Variants in SGCD observed in about 807,000 individuals in gnomAD.
SGCD encodes the protein delta-sarcoglycan.
In SGCD, 18 loss-of-function variants were observed where a neutral mutation model predicts 36.6. The ratio of observed to expected loss-of-function variants is 0.49; its 90% CI spans 0.34 to 0.73. The LOEUF (loss-of-function observed/expected upper bound fraction) is 0.73, where lower values mean the gene tolerates loss of function less well. SGCD is among the 30% of genes least tolerant of loss of function. The pLI is 0.01. For synonymous variants in SGCD, 133 were observed against 130.6 expected (o/e 1.02, Z -0.12); for missense variants, 387 against 346.7 (o/e 1.12, Z -0.92).
In SGCD at chr5:155,883,445, C is replaced by A. The variant is rs556426496; in HGVS notation, c.-282+13021C>A. On this transcript the variant is annotated intron_variant, in intron 1 of 9. Transcript: ENST00000517913. Reference sequence around the variant, plus strand: ...TGCAACTCTTTCTTTCAAACTTGAACACTTAAAGCCCATTGTAGAGTTATT... The same window carrying A: ...TGCAACTCTTTCTTTCAAACTTGAAAACTTAAAGCCCATTGTAGAGTTATT... 2.0e-5 allele frequency among the ~76,000 whole-genome samples: 3 copies of A among 152,202 alleles called. No individual in the cohort carries two copies. In the East Asian group the frequency reaches 5.8e-4, roughly 29 times the overall value.
intron 3 of SGCD, among the ~76,000 whole-genome samples, chr5:156,293,795 G>A (rs1249818896): frequency 6.6e-6 from 1 of 151,958 alleles, no homozygotes; most frequent in Non-Finnish European, 1.5e-5. Context: ...TGGCTCTTCA[G>A]GATCTCTTAA....
intron 3 of SGCD, among the ~76,000 whole-genome samples, chr5:156,418,704 G>A (rs770117500): frequency 6.6e-6 from 1 of 152,168 alleles, no homozygotes; most frequent in Admixed American, 6.5e-5. Context: ...AAAGTGGTTA[G>A]GTGCAGGACA....
At chr5:156,572,172 G>A (rs368873904) in intron 4 of SGCD, among the ~76,000 whole-genome samples, 16 of 152,156 alleles carry the variant, frequency 1.1e-4, no homozygotes, top group African/African-American at 2.2e-4. Flanking sequence ...TATTGTTTCC[G>A]CCCTTTGATT....
intron 1 of SGCD, among the ~76,000 whole-genome samples, chr5:156,020,339 G>A (rs1484536837): frequency 6.6e-5 from 10 of 152,086 alleles, no homozygotes; most frequent in Non-Finnish European, 1.5e-5. Context: ...TGTAATTCAA[G>A]ATAAAGCCAA....
At chr5:155,792,054 C>T in the SGCD span, among the ~76,000 whole-genome samples, 1 of 151,966 alleles carries the variant, frequency 6.6e-6, no homozygotes, top group African/African-American at 2.4e-5. Flanking sequence ...TGGTACAAAA[C>T]CAGATCCATA....
chr5:156,309,926 G>T (rs1320857940), intron 3 of SGCD, among the ~76,000 whole-genome samples: 2 of 151,868 alleles, frequency 1.3e-5, no homozygotes, highest in East Asian at 3.9e-4. Flanking sequence ...CTGTTTCATT[G>T]TATGTCGTAT....
intron 1 of SGCD, among the ~76,000 whole-genome samples, chr5:156,081,536 G>A (rs1297435245): frequency 6.6e-6 from 1 of 151,472 alleles, no homozygotes; most frequent in Non-Finnish European, 1.5e-5. Flanking sequence ...TGGGACTACA[G>A]GTGCATGCTA....
chr5:156,548,998 C>A (rs1758689322), intron 4 of SGCD, among the ~76,000 whole-genome samples: 1 of 152,018 alleles, frequency 6.6e-6, no homozygotes, highest in Non-Finnish European at 1.5e-5. Flanking sequence ...AGAATACTTG[C>A]CAGTTCAGAC....
In SGCD at chr5:156,291,305, A is replaced by C. The variant is rs929093210; in HGVS notation, c.-43-38229A>C. On this transcript the variant is annotated intron_variant, in intron 3 of 9. Transcript: ENST00000517913. ...AATACTCAAGGTGATCGACATCCCA[A>C]ATACCCTGTCTTGGTCATTTTACAT... is the stretch of plus-strand genomic sequence containing the variant. 2.0e-5 allele frequency among the ~76,000 whole-genome samples: 3 copies of C among 152,258 alleles called. No homozygotes were observed. In the South Asian group the frequency reaches 6.2e-4, roughly 32 times the overall value.
intron 1 of SGCD, among the ~76,000 whole-genome samples, chr5:156,000,067 G>A (rs1758633029): frequency 6.6e-6 from 1 of 152,204 alleles, no homozygotes; most frequent in Non-Finnish European, 1.5e-5. Flanking sequence ...ACATAGAAGT[G>A]CACATAGCTT....
rs577316865 is a variant in SGCD, at chr5:156,735,802, T to G, written c.576-21779T>G. On this transcript the variant is annotated intron_variant, in intron 7 of 8. Transcript: ENST00000337851. ...TCTATGGTGGTCTAACCTCCTGCTT[T>G]GCCAGAGTTGCAGCTACTTGTGCTG... is the stretch of plus-strand genomic sequence containing the variant. 3.3e-5 allele frequency among the ~76,000 whole-genome samples: 5 copies of G among 152,286 alleles called. No individual in the cohort carries two copies. The East Asian group carries it at 9.7e-4, about 29-fold the overall frequency.
At chr5:156,502,407 G>A (rs1451178513) in intron 3 of SGCD, among the ~76,000 whole-genome samples, 3 of 151,888 alleles carry the variant, frequency 2.0e-5, no homozygotes, top group Non-Finnish European at 4.4e-5. Context: ...GAGCATTGAT[G>A]TAATCATAGC....
At chr5:156,482,647 G>A (rs1349933903) in intron 3 of SGCD, among the ~76,000 whole-genome samples, 1 of 152,010 alleles carries the variant, frequency 6.6e-6, no homozygotes, top group Non-Finnish European at 1.5e-5. Flanking sequence ...TGAGTAAGAT[G>A]ATAAATGCCT....
intron 3 of SGCD, among the ~76,000 whole-genome samples, chr5:156,378,930 C>T (rs1410560271): frequency 6.6e-6 from 1 of 152,162 alleles, no homozygotes; most frequent in African/African-American, 2.4e-5. Context: ...ATCCCAGATA[C>T]TGCCTTTTAT....
At chr5:156,231,395 G>T (rs1439099491) in intron 3 of SGCD, among the ~76,000 whole-genome samples, 1 of 152,120 alleles carries the variant, frequency 6.6e-6, no homozygotes, top group African/African-American at 2.4e-5. Context: ...AATTAGCCGG[G>T]CATGGTGGCA....
chr5:156,068,267 C>G (rs1488025013), intron 1 of SGCD, among the ~76,000 whole-genome samples: 1 of 151,586 alleles, frequency 6.6e-6, no homozygotes, highest in Non-Finnish European at 1.5e-5. Context: ...AGCTATCCCT[C>G]CCCCCTTTCC....
At chr5:156,247,092 T>TG (rs1765457808) in intron 3 of SGCD, among the ~76,000 whole-genome samples, 2 of 152,346 alleles carry the variant, frequency 1.3e-5, no homozygotes, top group South Asian at 4.1e-4. Flanking sequence ...ATTATTACCC[T>TG]GTTGCCCTGT....
chr5:156,235,580 T>C (rs1228780444), intron 3 of SGCD, among the ~76,000 whole-genome samples: 1 of 152,228 alleles, frequency 6.6e-6, no homozygotes, highest in Non-Finnish European at 1.5e-5. Flanking sequence ...CTATTGATTA[T>C]GAATTAAGTT....
At chr5:155,996,080 G>A (rs762817340) in intron 1 of SGCD, among the ~76,000 whole-genome samples, 10 of 150,680 alleles carry the variant, frequency 6.6e-5, no homozygotes, top group Non-Finnish European at 1.2e-4. Context: ...GAGGCTGGGT[G>A]AGAAGTCTAT....
Sources: gnomAD v4.1 joint callset for allele counts (sites outside exome capture counted in the v4.1 genomes callset) on GRCh38, gnomAD v4.1.1 for gene constraint, MANE v1.5 for transcripts, NCBI Gene and HGNC (gene_info 2026-07-23, HGNC 2026-07-21) for gene names.